The following ZFHX3 variants were observed in gnomAD, a reference collection of about 807,000 sequenced individuals.
ZFHX3 encodes the protein zinc finger homeobox 3, also known as zinc finger homeobox protein 3.
A neutral mutation model predicts 279.1 loss-of-function variants in ZFHX3; 42 were observed. The observed-to-expected ratio is 0.15, with a 90% CI of 0.12 to 0.19. The LOEUF is 0.19. Ranked by LOEUF, ZFHX3 falls within the 10% of genes least tolerant of loss-of-function variation. ZFHX3 has a pLI of 1.00. For synonymous variants in ZFHX3, 2,293 were observed against 1,957.8 expected (o/e 1.17, Z -4.52); for missense variants, 4,981 against 4,754.0 (o/e 1.05, Z -1.40).
intron 3 of ZFHX3, among the ~76,000 whole-genome samples, chr16:73,366,149 G>C (rs138195629): frequency 6.4e-4 from 98 of 152,338 alleles, no homozygotes; most frequent in African/African-American, 2.3e-3. Flanking sequence ...AAAAGGTTTG[G>C]CAGCTTGAGT....
Position 73,702,679 on chromosome 16 carries a change from G to A in ZFHX3, c.-1607-22439C>T, listed in dbSNP as rs76517119. The stretch of plus-strand genomic sequence containing the variant: ...ATGTGGCCTGAAAAGATGAGACAGC[G>A]CAGAATTCAGGGGTTGGGTCCCATA... On this transcript the variant is annotated intron_variant, in intron 1 of 17. Coordinates refer to the ZFHX3 transcript ENST00000641206. Among the ~76,000 whole-genome samples, 516 of 152,188 alleles carry A rather than the reference G, an allele frequency of 3.4e-3. 2 individuals carry two copies. The highest frequency in any genetic ancestry group is 0.012 in the African/African-American group (489 of 41,520).
At chr16:72,833,012 A>T (rs1427696139) in intron 4 of ZFHX3, among the ~76,000 whole-genome samples, 4 of 152,266 alleles carry the variant, frequency 2.6e-5, no homozygotes, top group Admixed American at 2.6e-4. Flanking sequence ...AAGGTAGAGA[A>T]ATGATTAAAA....
chr16:73,636,148 T>C (rs2142151856), intron 2 of ZFHX3, among the ~76,000 whole-genome samples: 1 of 152,324 alleles, frequency 6.6e-6, no homozygotes, highest in East Asian at 1.9e-4. Context: ...ATATAGGTAA[T>C]GAAAGTCCTG....
intron 2 of ZFHX3, among the ~76,000 whole-genome samples, chr16:73,577,865 G>A (rs78667383): frequency 0.016 from 2,486 of 152,246 alleles, 81 homozygotes; most frequent in African/African-American, 0.055. Flanking sequence ...TGGAAGAAAC[G>A]TCATAGTTAC....
chr16:73,537,314 CTTTTTTTTTTT>C (rs3051948), intron 2 of ZFHX3, among the ~76,000 whole-genome samples: 2 of 77,626 alleles, frequency 2.6e-5, no homozygotes, highest in East Asian at 5.4e-4. Context: ...CTTTCTTCTT[CTTTTTTTTTTT>C]TTTTTTTTTT....
intron 1 of ZFHX3, among the ~76,000 whole-genome samples, chr16:73,808,246 T>A (rs1232962351): frequency 6.6e-6 from 1 of 152,180 alleles, no homozygotes; most frequent in Admixed American, 6.5e-5. Context: ...TAAAACAACT[T>A]CTTTGTGAGA....
chr16:72,810,094 C>T (rs1317288254), intron 7 of ZFHX3, among the ~76,000 whole-genome samples: 2 of 152,080 alleles, frequency 1.3e-5, no homozygotes, highest in African/African-American at 4.8e-5. Flanking sequence ...CCGTGTTAGC[C>T]AGGATGGTCT....
chr16:73,579,503 A>T (rs932606625), intron 2 of ZFHX3, among the ~76,000 whole-genome samples: 4 of 151,338 alleles, frequency 2.6e-5, no homozygotes, highest in African/African-American at 9.7e-5. Context: ...TAATTATTAT[A>T]ATCTTTTTTT....
intron 3 of ZFHX3, among the ~76,000 whole-genome samples, chr16:72,899,832 T>C (rs2038987743): frequency 6.6e-6 from 1 of 152,182 alleles, no homozygotes; most frequent in Non-Finnish European, 1.5e-5. Context: ...TCATAATAAA[T>C]GAGGCTATTA....
At chr16:73,715,517 A>G (rs1350687502) in intron 1 of ZFHX3, among the ~76,000 whole-genome samples, 1 of 144,214 alleles carries the variant, frequency 6.9e-6, no homozygotes, top group Non-Finnish European at 1.5e-5. Flanking sequence ...GAAGACACTG[A>G]GGCCGAAACT....
intron 2 of ZFHX3, among the ~76,000 whole-genome samples, chr16:73,478,374 A>G (rs1431302682): frequency 6.6e-6 from 1 of 152,072 alleles, no homozygotes; most frequent in African/African-American, 2.4e-5. Context: ...TGCTCTACCA[A>G]CTGAGCTATC....
At chr16:72,843,146 G>C (rs2037385528) in intron 4 of ZFHX3, among the ~76,000 whole-genome samples, 1 of 152,078 alleles carries the variant, frequency 6.6e-6, no homozygotes, top group Middle Eastern at 3.2e-3. Context: ...AGGTATTTGG[G>C]GGAGCTGACC....
intron 2 of ZFHX3, among the ~76,000 whole-genome samples, chr16:73,513,215 G>C (rs1188539895): frequency 1.3e-5 from 2 of 152,192 alleles, no homozygotes; most frequent in Non-Finnish European, 1.5e-5. Context: ...ACTGAACACT[G>C]ACCATGGGGC....
intron 5 of ZFHX3, among the ~76,000 whole-genome samples, chr16:73,191,485 C>G (rs1968032953): frequency 6.6e-6 from 1 of 152,158 alleles, no homozygotes; most frequent in Non-Finnish European, 1.5e-5. Context: ...AACAGAAAAA[C>G]CCTCATCAAG....
chr16:73,359,052 T>C (rs9923748), intron 3 of ZFHX3, among the ~76,000 whole-genome samples: 25,209 of 152,168 alleles, frequency 0.17, 2,240 homozygotes, highest in African/African-American at 0.22. Flanking sequence ...AATATAATTT[T>C]TGGAAATTGA....
At chr16:73,416,817 T>C (rs950149094) in intron 3 of ZFHX3, among the ~76,000 whole-genome samples, 1 of 148,314 alleles carries the variant, frequency 6.7e-6, no homozygotes, top group Admixed American at 6.7e-5. Flanking sequence ...GAGCCTGCAG[T>C]GAGCCGAGAT....
intron 1 of ZFHX3, among the ~76,000 whole-genome samples, chr16:73,698,922 G>T (rs1399492398): frequency 2.6e-5 from 4 of 152,154 alleles, no homozygotes; most frequent in Non-Finnish European, 5.9e-5. Flanking sequence ...GTCTTCCTCT[G>T]TAGCCAGGCT....
intron 1 of ZFHX3, among the ~76,000 whole-genome samples, chr16:73,680,740 T>C (rs1026156230): frequency 6.6e-6 from 1 of 152,326 alleles, no homozygotes; most frequent in African/African-American, 2.4e-5. Context: ...GGAATTCGTC[T>C]TATCCTAATA....
chr16:73,195,840 A>C (rs1198958713), intron 5 of ZFHX3, among the ~76,000 whole-genome samples: 1 of 152,174 alleles, frequency 6.6e-6, no homozygotes, highest in African/African-American at 2.4e-5. Context: ...GCCTGACTGA[A>C]CAGGTGGGAG....
Sources: gnomAD v4.1 joint callset for allele counts (sites outside exome capture counted in the v4.1 genomes callset) on GRCh38, gnomAD v4.1.1 for gene constraint, MANE v1.5 for transcripts, NCBI Gene and HGNC (gene_info 2026-07-23, HGNC 2026-07-21) for gene names.